The following STK4 variants were observed in gnomAD, a reference collection of about 807,000 sequenced individuals.
STK4 encodes the protein serine/threonine kinase 4.
In STK4, 30 loss-of-function variants were observed where a neutral mutation model predicts 64.9. The ratio of observed to expected loss-of-function variants is 0.46; its 90% CI spans 0.35 to 0.63. The LOEUF (loss-of-function observed/expected upper bound fraction) is 0.63, where lower values mean the gene tolerates loss of function less well. Ranked by LOEUF, STK4 falls within the 20% of genes least tolerant of loss-of-function variation. The pLI, the probability that STK4 is intolerant of heterozygous loss-of-function variation, is 0.01. For missense variants in STK4, 466 were observed against 598.5 expected, an observed-to-expected ratio of 0.78 and a Z score of 2.31; for synonymous variants, 177 against 199.0, an observed-to-expected ratio of 0.89 and a Z score of 0.93.
At chr20:45,056,087 A>G (rs1279507274) in intron 10 of STK4, among the ~76,000 whole-genome samples, 4 of 152,150 alleles carry the variant, frequency 2.6e-5, no homozygotes, top group Admixed American at 2.6e-4. Context: ...TTTAAATACT[A>G]TTTCAACTAC....
chr20:45,047,993 G>A (rs1039749574), intron 10 of STK4, among the ~76,000 whole-genome samples: 5 of 152,160 alleles, frequency 3.3e-5, no homozygotes, highest in Non-Finnish European at 5.9e-5. Flanking sequence ...CAGCTAATGC[G>A]TCTCTCTCAT....
intron 2 of STK4, among the ~76,000 whole-genome samples, chr20:44,973,766 A>T (rs1291112300): frequency 6.6e-6 from 1 of 152,218 alleles, no homozygotes; most frequent in Non-Finnish European, 1.5e-5. Context: ...TAAAGTTGGG[A>T]TAATAATATA....
At chr20:45,074,254 A>G (rs981338908) in intron 10 of STK4, among the ~76,000 whole-genome samples, 16 of 152,204 alleles carry the variant, frequency 1.1e-4, no homozygotes, top group African/African-American at 3.9e-4. Context: ...AGGAATCCAT[A>G]TATGTAAAGC....
intron 10 of STK4, among the ~76,000 whole-genome samples, chr20:45,040,045 A>ATT (rs34807441): frequency 2.3e-4 from 30 of 131,650 alleles, no homozygotes; most frequent in Non-Finnish European, 3.4e-4. Flanking sequence ...ATCAGGTTCG[A>ATT]TTTTTTTTTT....
At chr20:45,065,115 G>A (rs1454362677) in intron 10 of STK4, among the ~76,000 whole-genome samples, 1 of 150,526 alleles carries the variant, frequency 6.6e-6, no homozygotes, top group Non-Finnish European at 1.5e-5. Context: ...TTTTGAAGTA[G>A]TTTCTTCAGT....
intron 4 of STK4, among the ~76,000 whole-genome samples, chr20:44,983,313 A>G (rs1319495303): frequency 6.6e-6 from 1 of 152,168 alleles, no homozygotes; most frequent in East Asian, 1.9e-4. Flanking sequence ...TTAGAAAGAT[A>G]ACTCTGGGGC....
intron 9 of STK4, among the ~76,000 whole-genome samples, chr20:45,024,612 T>A (rs1436701191): frequency 6.6e-6 from 1 of 152,222 alleles, no homozygotes; most frequent in Non-Finnish European, 1.5e-5. Flanking sequence ...TATTTTTGCT[T>A]GCTTCTGTCT....
At chr20:44,980,153 A>G (rs1477004778) in intron 3 of STK4, among the ~76,000 whole-genome samples, 3 of 152,222 alleles carry the variant, frequency 2.0e-5, no homozygotes, top group African/African-American at 7.2e-5. Flanking sequence ...TATAGAGAAC[A>G]TATTCCAGTA....
chr20:45,075,351 G>T lies in STK4; in HGVS notation c.*175G>T. ...CTCTTGACAGTCAGCGTGCCATCTT[G>T]ATGTGTGTATGTACATTGGTCAGGT... is the stretch of plus-strand genomic sequence containing the variant. On this transcript the variant is annotated 3_prime_UTR_variant, in exon 11 of 11. Transcript: ENST00000372806. The T allele has an allele frequency of 1.3e-6, 1 of 759,328 alleles. No homozygotes were observed. The highest frequency in any genetic ancestry group is 2.1e-6 in the Non-Finnish European group (1 of 479,552). The allele number at this position is 759,328 out of a possible 1,614,324, so 47.0% of individuals were successfully genotyped here.
chr20:44,996,696 G>A (rs1485480361), intron 6 of STK4, among the ~76,000 whole-genome samples: 2 of 152,054 alleles, frequency 1.3e-5, no homozygotes, highest in Admixed American at 6.6e-5. Flanking sequence ...CGTTGATTTA[G>A]CTTACTTTGG....
chr20:45,033,555 G>A lies in STK4; in HGVS notation c.1305+8425G>A, dbSNP rs376305068. Among the ~76,000 whole-genome samples the A allele has an allele frequency of 4.6e-5, 7 of 151,764 alleles. No individual in the cohort carries two copies. The East Asian group carries it at 5.8e-4, about 13-fold the overall frequency. On this transcript the variant is annotated intron_variant, in intron 10 of 10. Coordinates refer to ENST00000372806, the MANE Select transcript of STK4 (RefSeq NM_006282.5). ...AGTCCTTTCTCCATTGCTTGTGTTC[G>A]TCAACTTTGAGTTACTATGTTTTTT...
intron 10 of STK4, among the ~76,000 whole-genome samples, chr20:45,065,715 T>A (rs923500005): frequency 6.6e-6 from 1 of 152,176 alleles, no homozygotes; most frequent in Non-Finnish European, 1.5e-5. Flanking sequence ...TAATGTCCTC[T>A]TTGTCATTTC....
chr20:45,005,266 G>T (rs932060804), intron 9 of STK4, among the ~76,000 whole-genome samples: 1 of 152,146 alleles, frequency 6.6e-6, no homozygotes, highest in East Asian at 1.9e-4. Context: ...ATAAGAAAAA[G>T]GATTTAAGAC....
At chr20:45,044,633 CA>C (rs1245279986) in intron 10 of STK4, among the ~76,000 whole-genome samples, 2 of 152,028 alleles carry the variant, frequency 1.3e-5, no homozygotes, top group Non-Finnish European at 2.9e-5. Flanking sequence ...CCAGTCTGGG[CA>C]ACAGAGCAAG....
intron 5 of STK4, among the ~76,000 whole-genome samples, chr20:44,988,119 G>A (rs1041448136): frequency 3.4e-4 from 52 of 151,984 alleles, no homozygotes; most frequent in Admixed American, 3.2e-3. Context: ...AAAAGGTTTT[G>A]TTGTTAACAC....
chr20:45,042,097 A>G (rs1226788432), intron 10 of STK4, among the ~76,000 whole-genome samples: 1 of 152,212 alleles, frequency 6.6e-6, no homozygotes, highest in East Asian at 1.9e-4. Flanking sequence ...TAAATTAGCT[A>G]TTACTCTAGA....
rs1601231307 is a variant in STK4, at chr20:44,997,458, G to A, written c.831+152G>A. 6 of 960,900 alleles carry A rather than the reference G, an allele frequency of 6.2e-6. 1 individual carries two copies. The East Asian group carries it at 1.7e-4, about 28-fold the overall frequency. 59.5% of individuals were successfully genotyped at this position (960,900 alleles called of 1,614,324 possible). ...TGTAATCGTAGCACTTTGGGAGGCT[G>A]AGGCAGGTATATTGCTTGAGCCCAG... is the stretch of plus-strand genomic sequence containing the variant. On this transcript the variant is annotated intron_variant, in intron 7 of 10. Transcript: ENST00000372806.
intron 10 of STK4, among the ~76,000 whole-genome samples, chr20:45,037,234 A>G (rs934746766): frequency 6.6e-6 from 1 of 152,118 alleles, no homozygotes; most frequent in African/African-American, 2.4e-5. Context: ...GTCTGTGGGG[A>G]TACTAAGGAG....
chr20:44,984,896 C>A (rs1429061776), intron 4 of STK4, among the ~76,000 whole-genome samples: 1 of 151,968 alleles, frequency 6.6e-6, no homozygotes, highest in Admixed American at 6.6e-5. Context: ...ATCCTCCTGC[C>A]TCAGCCTCCT....
Sources: allele counts gnomAD v4.1 joint callset (sites outside exome capture counted in the v4.1 genomes callset), GRCh38; gene constraint gnomAD v4.1.1; transcripts MANE v1.5; gene names NCBI Gene and HGNC (gene_info 2026-07-23, HGNC 2026-07-21).